The following OR9Q1 variants were observed in gnomAD, a reference collection of about 807,000 sequenced individuals.
The protein encoded by OR9Q1 is olfactory receptor family 9 subfamily Q member 1, also known as olfactory receptor 9Q1.
For missense variants in OR9Q1, 374 were observed against 378.8 expected, an observed-to-expected ratio of 0.99 and a Z score of 0.11; for synonymous variants, 153 against 148.6, an observed-to-expected ratio of 1.03 and a Z score of -0.22.
Position 58,070,569 on chromosome 11 carries a change from C to G in OR9Q1, c.-15+14622C>G, listed in dbSNP as rs537332782. ...TTCCCGCAGGCTCCTCCAGGACCAC[C>G]CTACTATTTAACAAAGAAAGGCAGC... is the stretch of plus-strand genomic sequence containing the variant. On this transcript the variant is annotated intron_variant, in intron 2 of 2. Transcript: ENST00000335397. Among the ~76,000 whole-genome samples the G allele has an allele frequency of 2.8e-4, 43 of 152,234 alleles. No individual in the cohort carries two copies. In the South Asian group the frequency reaches 8.9e-3, roughly 32 times the overall value.
At chr11:58,080,745 T>A (rs940071460) in intron 2 of OR9Q1, among the ~76,000 whole-genome samples, 11 of 152,234 alleles carry the variant, frequency 7.2e-5, no homozygotes, top group Admixed American at 5.9e-4. Context: ...TGATTAGTGA[T>A]GATTAGCATT....
intron 2 of OR9Q1, among the ~76,000 whole-genome samples, chr11:58,177,277 T>C (rs919808764): frequency 6.6e-6 from 1 of 152,240 alleles, no homozygotes; most frequent in Admixed American, 6.5e-5. Context: ...GCTGTTGGAA[T>C]AATCAGGTGA....
At chr11:58,131,104 T>C (rs1854136699) in intron 2 of OR9Q1, among the ~76,000 whole-genome samples, 1 of 152,182 alleles carries the variant, frequency 6.6e-6, no homozygotes, top group Non-Finnish European at 1.5e-5. Context: ...TGCTTTTGGC[T>C]CTTAAATGCT....
intron 2 of OR9Q1, among the ~76,000 whole-genome samples, chr11:58,094,990 G>A (rs753636215): frequency 5.3e-5 from 8 of 152,244 alleles, no homozygotes; most frequent in Non-Finnish European, 8.8e-5. Context: ...ATACATGTTC[G>A]TCAATTTTGT....
intron 2 of OR9Q1, among the ~76,000 whole-genome samples, chr11:58,070,252 G>C (rs1853474289): frequency 6.6e-6 from 1 of 151,626 alleles, no homozygotes; most frequent in South Asian, 2.1e-4. Context: ...CTGACCTCAA[G>C]TGATCTGCTC....
chr11:58,173,681 C>A (rs1040411371), intron 2 of OR9Q1, among the ~76,000 whole-genome samples: 1 of 152,068 alleles, frequency 6.6e-6, no homozygotes, highest in Non-Finnish European at 1.5e-5. Context: ...AGATTCCTAA[C>A]AAGTCATATT....
At chr11:58,125,245 C>G (rs944747653) in intron 2 of OR9Q1, 5 of 122,974 alleles carry the variant, frequency 4.1e-5, no homozygotes, top group African/African-American at 1.5e-4. Flanking sequence ...CACCGCCCCC[C>G]CCCCAAAAAA....
chr11:58,154,198 G>A lies in OR9Q1; in HGVS notation c.-14-25233G>A, dbSNP rs150723381. Among the ~76,000 whole-genome samples, 468 of 128,366 alleles carry A rather than the reference G, an allele frequency of 3.6e-3. 2 individuals are homozygous for A. Among genetic ancestry groups the A allele is most frequent in the Non-Finnish European group, 6.4e-3 (372 of 57,774 alleles). 84.2% of individuals were successfully genotyped at this position (128,366 alleles called of 152,430 possible). A position where few individuals can be genotyped will look rare whatever the true frequency, so the allele number is the denominator to read the frequency against. ...GGAGGAGGGGAAGGAGGAGGAGAAGGGGGAGGAGAAGGAGGAAGGAAAGCA... is the reference window on the plus strand; with the variant it reads ...GGAGGAGGGGAAGGAGGAGGAGAAGAGGGAGGAGAAGGAGGAAGGAAAGCA... On this transcript the variant is annotated intron_variant, in intron 2 of 2. Coordinates refer to ENST00000335397, the MANE Select transcript of OR9Q1 (RefSeq NM_001005212.4).
At chr11:58,032,322 C>T (rs758430821) in intron 1 of OR9Q1, among the ~76,000 whole-genome samples, 1 of 151,802 alleles carries the variant, frequency 6.6e-6, no homozygotes, top group African/African-American at 2.4e-5. Flanking sequence ...GCAAAAAAAA[C>T]CAAAAAAATA....
intron 2 of OR9Q1, among the ~76,000 whole-genome samples, chr11:58,089,363 T>A (rs1853662955): frequency 6.6e-6 from 1 of 151,912 alleles, no homozygotes; most frequent in Non-Finnish European, 1.5e-5. Flanking sequence ...TTTTTGCATA[T>A]GGCTAGCCAG....
intron 2 of OR9Q1, among the ~76,000 whole-genome samples, chr11:58,168,258 A>C (rs779722368): frequency 1.6e-4 from 25 of 152,182 alleles, no homozygotes; most frequent in Non-Finnish European, 2.9e-4. Flanking sequence ...GTCCTCCTGC[A>C]GAGCTAACCA....
chr11:58,080,992 A>C (rs1853582204), intron 2 of OR9Q1, among the ~76,000 whole-genome samples: 1 of 148,780 alleles, frequency 6.7e-6, no homozygotes, highest in African/African-American at 2.5e-5. Context: ...GACAGGACCC[A>C]GTGTGTGATG....
rs146042859 is a variant in OR9Q1, at chr11:58,087,810, G to A, written c.-15+31863G>A. Among the ~76,000 whole-genome samples the A allele has an allele frequency of 3.8e-3, 570 of 151,622 alleles. 9 individuals carry two copies. Among genetic ancestry groups the A allele is most frequent in the Non-Finnish European group, 6.4e-3 (434 of 67,986 alleles). On this transcript the variant is annotated intron_variant, in intron 2 of 2. Transcript: ENST00000335397. Reference sequence around the variant, plus strand: ...AACTCCCACTTATGAGTGAGAACACGTGTTGTTTGGTTTTCTGTTCCTGTG... The same window carrying A: ...AACTCCCACTTATGAGTGAGAACACATGTTGTTTGGTTTTCTGTTCCTGTG...
chr11:58,077,321 A>G (rs1853546837), intron 2 of OR9Q1: 1 of 152,178 alleles, frequency 6.6e-6, no homozygotes, highest in Non-Finnish European at 1.5e-5. Flanking sequence ...CTTTAAGAGG[A>G]GACTGGTCAA....
intron 2 of OR9Q1, among the ~76,000 whole-genome samples, chr11:58,116,324 C>T (rs983691756): frequency 6.6e-6 from 1 of 152,160 alleles, no homozygotes; most frequent in Non-Finnish European, 1.5e-5. Context: ...ACATTCTGTA[C>T]CCATATCCTA....
chr11:58,025,258 CCG>C (rs1349282752), intron 1 of OR9Q1, among the ~76,000 whole-genome samples: 8 of 152,302 alleles, frequency 5.3e-5, no homozygotes, highest in Admixed American at 1.3e-4. Flanking sequence ...ACTGCAACCT[CCG>C]CCTCCCGGGT....
intron 2 of OR9Q1, among the ~76,000 whole-genome samples, chr11:58,159,615 G>T (rs1051963960): frequency 6.6e-6 from 1 of 152,170 alleles, no homozygotes. Context: ...CACAGGGAAA[G>T]AATATTTTGG....
At position 58,135,557 on chromosome 11, in the gene OR9Q1, A is replaced by G. The variant is rs2119853214; in HGVS notation, c.-14-43874A>G. On this transcript the variant is annotated intron_variant, in intron 2 of 2. Transcript: ENST00000335397. The stretch of plus-strand genomic sequence containing the variant: ...CCAGTTTGATTTTAGTGGCAGAGAG[A>G]GAATCACTGTCATCCTTGCCTGTTT... Among the ~76,000 whole-genome samples the G allele has an allele frequency of 1.3e-5, 2 of 152,274 alleles. 1 individual carries two copies. The highest frequency in any genetic ancestry group is 6.8e-3 in the Middle Eastern group (2 of 294).
chr11:58,152,743 C>T (rs1163063448), intron 2 of OR9Q1, among the ~76,000 whole-genome samples: 1 of 152,118 alleles, frequency 6.6e-6, no homozygotes, highest in South Asian at 2.1e-4. Flanking sequence ...TCTTTTATAG[C>T]TTCTAGGTTT....
Sources: gnomAD v4.1 joint callset for allele counts (sites outside exome capture counted in the v4.1 genomes callset) on GRCh38, gnomAD v4.1.1 for gene constraint, MANE v1.5 for transcripts, NCBI Gene and HGNC (gene_info 2026-07-23, HGNC 2026-07-21) for gene names.